MTHFSD: variants seen among roughly 807,000 people sequenced by gnomAD.
MTHFSD encodes methenyltetrahydrofolate synthetase domain containing.
A neutral mutation model predicts 31.1 loss-of-function variants in MTHFSD; 37 were observed. That is an observed-to-expected ratio of 1.19 (90% CI 0.91 to 1.56). The LOEUF (loss-of-function observed/expected upper bound fraction) is 1.56. MTHFSD is among the 40% of genes most tolerant of loss of function. The probability of loss-of-function intolerance (pLI) is 0.00; values close to 1 mark genes in which losing one functional copy is unlikely to be tolerated. For missense variants in MTHFSD, 664 were observed against 510.1 expected (o/e 1.30, Z -2.91); for synonymous variants, 221 against 206.9 (o/e 1.07, Z -0.59).
At chr16:86,552,565 C>T (rs777161379) in intron 2 of MTHFSD, among the ~76,000 whole-genome samples, 1 of 152,178 alleles carries the variant, frequency 6.6e-6, no homozygotes, top group African/African-American at 2.4e-5. Context: ...TGCTGTGTAA[C>T]CACCACCAAA....
At chr16:86,539,203 G>A (rs1453324594) in intron 7 of MTHFSD, among the ~76,000 whole-genome samples, 1 of 152,228 alleles carries the variant, frequency 6.6e-6, no homozygotes, top group Non-Finnish European at 1.5e-5. Flanking sequence ...GTATGGAGCA[G>A]CCAAAGGGCT....
At chr16:86,540,744 A>G (rs1467442425) in intron 7 of MTHFSD, 3 of 990,212 alleles carry the variant, frequency 3.0e-6, no homozygotes, top group African/African-American at 3.5e-5. Context: ...TTCCTGGAAG[A>G]GCAGTGACCA....
At chr16:86,533,522 A>C (rs192978277) in intron 7 of MTHFSD, 1 of 152,378 alleles carries the variant, frequency 6.6e-6, no homozygotes, top group Non-Finnish European at 1.5e-5. Context: ...AATATGTCGC[A>C]GTACAGGGCA....
chr16:86,547,266 C>G (rs573283005), intron 4 of MTHFSD: 1 of 985,800 alleles, frequency 1.0e-6, no homozygotes, highest in Admixed American at 6.1e-5. Context: ...CCGCTTTATA[C>G]TAATGCAGGC....
At chr16:86,544,194 C>T (rs370609615) in intron 5 of MTHFSD, among the ~76,000 whole-genome samples, 13 of 152,204 alleles carry the variant, frequency 8.5e-5, no homozygotes, top group Admixed American at 7.9e-4. Context: ...GAAAAATTGT[C>T]TTCCATGAAA....
chr16:86,550,539 C>G (rs541282831), intron 3 of MTHFSD, among the ~76,000 whole-genome samples: 1 of 152,322 alleles, frequency 6.6e-6, no homozygotes, highest in Non-Finnish European at 1.5e-5. Flanking sequence ...TGTACTGAGA[C>G]TGATGTGCGG....
chr16:86,537,741 G>A (rs974099612), intron 7 of MTHFSD, among the ~76,000 whole-genome samples: 43 of 152,216 alleles, frequency 2.8e-4, no homozygotes, highest in African/African-American at 1.0e-3. Flanking sequence ...AGATCATGCA[G>A]CATACTGTGG....
intron 7 of MTHFSD, chr16:86,535,438 G>A (rs1462058733): frequency 5.5e-5 from 54 of 985,440 alleles, no homozygotes; most frequent in Non-Finnish European, 5.8e-5. Context: ...GTGTCTGGAC[G>A]TCATGGTTGG....
At position 86,542,354 on chromosome 16, in the gene MTHFSD, C is replaced by T. The variant is rs977098800; in HGVS notation, c.443-141G>A. 2.9e-6 allele frequency: 2 copies of T among 683,318 alleles called. No homozygotes were observed. Among genetic ancestry groups the T allele is most frequent in the Middle Eastern group, 2.5e-4 (1 of 3,940 alleles). 42.3% of individuals were successfully genotyped at this position (683,318 alleles called of 1,614,324 possible). On this transcript the variant is annotated intron_variant, in intron 5 of 7. Transcript: ENST00000360900. This position sits in a 1 kb window ranked among gnomAD's most constrained non-coding sequence, Gnocchi z 4.6. ...ATAGAAATTTTCACAGAAATGCCCA[C>T]CAAATGCCCACAAGCAGCCCACACT... is the stretch of plus-strand genomic sequence containing the variant.
At chr16:86,546,689 C>G in intron 4 of MTHFSD, 40 bp from the exon 5 acceptor site, 1 of 1,514,062 alleles carries the variant, frequency 6.6e-7, no homozygotes, top group African/African-American at 1.4e-5. Flanking sequence ...TCAACTCCAG[C>G]TGCTTCCTCA....
chr16:86,549,234 G>A (rs1326934369), intron 3 of MTHFSD, among the ~76,000 whole-genome samples: 1 of 152,244 alleles, frequency 6.6e-6, no homozygotes, highest in Non-Finnish European at 1.5e-5. Context: ...CTCTGGGGGT[G>A]GGGAGCTTCG....
In MTHFSD at chr16:86,532,140, C is replaced by G; in HGVS notation, c.1023G>C (p.Pro341=). 6.4e-7 allele frequency: 1 copy of G among 1,559,176 alleles called. No individual in the cohort carries two copies. The highest frequency in any genetic ancestry group is 8.7e-7 in the Non-Finnish European group (1 of 1,152,496). ...SVPLRLTWQG[P]RRRAFLHYPD... is the part of the protein sequence containing the mutation. ...GGTAATGGAGGAAGGCTCTGCGCCG[C>G]GGGCCCTGCCAGGTGAGCCGCAGGG... Residue 341 remains proline, a synonymous_variant, in exon 8 of 8, where the codon CCG becomes CCC. Transcript: ENST00000360900.
intron 3 of MTHFSD, among the ~76,000 whole-genome samples, chr16:86,551,593 T>C (rs1001984926): frequency 6.6e-6 from 1 of 152,236 alleles, no homozygotes; most frequent in African/African-American, 2.4e-5. Context: ...CCGTGGTCTT[T>C]ATAGTATCAG....
chr16:86,537,902 A>G lies in MTHFSD; in HGVS notation c.681+3795T>C, dbSNP rs1282487435. 2.6e-5 allele frequency among the ~76,000 whole-genome samples: 4 copies of G among 152,210 alleles called. No individual in the cohort carries two copies. The East Asian group carries it at 7.7e-4, about 29-fold the overall frequency. The stretch of plus-strand genomic sequence containing the variant: ...TAAGGAGCAAATGAGTTGACCCAGG[A>G]AAGTCAGATGCACGGGCCTTGGTCT... On this transcript the variant is annotated intron_variant, in intron 7 of 7. Transcript: ENST00000360900.
At position 86,532,435 on chromosome 16, in the gene MTHFSD, C is replaced by G; in HGVS notation, c.728G>C (p.Arg243Pro). Residue 243 changes from arginine to proline, a missense_variant, in exon 8 of 8, where the codon CGC becomes CCC. Transcript: ENST00000360900. ...MEKIPILRSL[R>P]AREQQAGKDV... ...CTTCCCAGCCTGCTGCTCTCGGGCGCGGAGGCTCCTCAGTATGGGGATTTT... is the reference window on the plus strand; with the variant it reads ...CTTCCCAGCCTGCTGCTCTCGGGCGGGGAGGCTCCTCAGTATGGGGATTTT... 2 of 1,466,660 alleles carry G rather than the reference C, an allele frequency of 1.4e-6. No homozygotes were observed. The highest frequency in any genetic ancestry group is 1.8e-6 in the Non-Finnish European group (2 of 1,107,514). The allele number at this position is 1,466,660 out of a possible 1,614,324, so 90.9% of individuals were successfully genotyped here.
chr16:86,535,664 A>G (rs1970595838), intron 7 of MTHFSD: 1 of 287,290 alleles, frequency 3.5e-6, no homozygotes, highest in Non-Finnish European at 5.2e-6. Context: ...TCAAATACGA[A>G]TCCGAAATCT....
chr16:86,546,120 C>G (rs1448063376), intron 5 of MTHFSD, among the ~76,000 whole-genome samples: 1 of 152,180 alleles, frequency 6.6e-6, no homozygotes. Context: ...TCGGACACAC[C>G]ACGTTGTTCA....
At chr16:86,539,892 T>C (rs1390736293) in intron 7 of MTHFSD, among the ~76,000 whole-genome samples, 1 of 152,142 alleles carries the variant, frequency 6.6e-6, no homozygotes, top group Non-Finnish European at 1.5e-5. Context: ...TCCAGTAAGA[T>C]AGCCAAGAGG....
chr16:86,555,105 C>A, intron 1 of MTHFSD, 64 bp downstream of exon 1: 3 of 1,525,332 alleles, frequency 2.0e-6, no homozygotes, highest in Non-Finnish European at 8.8e-7. Context: ...CCGCCTCGAC[C>A]CTCACCGGTC....
Sources: allele counts gnomAD v4.1 joint callset (sites outside exome capture counted in the v4.1 genomes callset), GRCh38; gene constraint gnomAD v4.1.1; non-coding constraint Gnocchi (gnomAD v3.1); transcripts MANE v1.5; gene names NCBI Gene and HGNC (gene_info 2026-07-23, HGNC 2026-07-21).